CDIN1: variants seen among roughly 807,000 people sequenced by gnomAD.
CDIN1 encodes the protein CDAN1 interacting nuclease 1, also known as CDAN1-interacting nuclease 1.
Under a neutral mutation model 45.3 loss-of-function variants are expected in CDIN1, and 33 were observed. That is an observed-to-expected ratio of 0.73 (90% CI 0.55 to 0.97). The LOEUF (loss-of-function observed/expected upper bound fraction) is 0.97, where lower values mean the gene tolerates loss of function less well. Ranked by LOEUF, CDIN1 falls within the 50% of genes least tolerant of loss-of-function variation. The pLI is 0.00. For missense variants in CDIN1, 303 were observed against 339.4 expected (o/e 0.89, Z 0.84); for synonymous variants, 118 against 124.4 (o/e 0.95, Z 0.34).
intron 1 of CDIN1, among the ~76,000 whole-genome samples, chr15:36,632,499 G>A (rs2039720160): frequency 6.6e-6 from 1 of 152,170 alleles, no homozygotes; most frequent in African/African-American, 2.4e-5. Context: ...ACTTCTGAGG[G>A]CTGCCACCTG....
intron 10 of CDIN1, among the ~76,000 whole-genome samples, chr15:36,785,455 C>CGGGG (rs34424859): frequency 2.0e-5 from 3 of 151,842 alleles, no homozygotes; most frequent in Non-Finnish European, 4.4e-5. Flanking sequence ...CTTACTAACC[C>CGGGG]GGGAGTCGAG....
Position 36,777,981 on chromosome 15 carries a change from C to T in CDIN1, c.717-30343C>T, listed in dbSNP as rs144155281. ...TTAATTCTGCTGGAATTGGTAGCCT[C>T]TGAAATGCTTGGGTGATCCCTTCTG... On this transcript the variant is annotated intron_variant, in intron 10 of 10. Coordinates refer to ENST00000566621, the MANE Select transcript of CDIN1 (RefSeq NM_001321759.2). Among the ~76,000 whole-genome samples the T allele has an allele frequency of 6.7e-3, 1,013 of 152,304 alleles. 10 individuals are homozygous for T. Among genetic ancestry groups the T allele is most frequent in the African/African-American group, 0.021 (869 of 41,568 alleles).
chr15:36,714,070 G>A (rs748859369), intron 10 of CDIN1, among the ~76,000 whole-genome samples: 14 of 152,118 alleles, frequency 9.2e-5, no homozygotes, highest in Non-Finnish European at 1.9e-4. Context: ...AATTTGTCAG[G>A]CATTGTGACA....
chr15:36,755,297 C>T (rs2053580402), intron 10 of CDIN1, among the ~76,000 whole-genome samples: 1 of 152,146 alleles, frequency 6.6e-6, no homozygotes, highest in Non-Finnish European at 1.5e-5. Context: ...ACAACCATCA[C>T]CCGGGCACCC....
intron 8 of CDIN1, among the ~76,000 whole-genome samples, chr15:36,697,648 G>A (rs2042482035): frequency 6.6e-6 from 1 of 152,062 alleles, no homozygotes; most frequent in African/African-American, 2.4e-5. Flanking sequence ...TACTTTTGGT[G>A]TCATGAGATA....
intron 5 of CDIN1, among the ~76,000 whole-genome samples, chr15:36,684,363 A>G (rs1040999431): frequency 4.6e-5 from 7 of 152,266 alleles, no homozygotes; most frequent in African/African-American, 1.7e-4. Flanking sequence ...CTCTGTTTAT[A>G]TGCTGGATTA....
At chr15:36,695,219 T>C (rs1456704541) in intron 7 of CDIN1, among the ~76,000 whole-genome samples, 1 of 152,182 alleles carries the variant, frequency 6.6e-6, no homozygotes, top group Non-Finnish European at 1.5e-5. Flanking sequence ...TTTTTTTTAA[T>C]AAATAACGAA....
At chr15:36,747,181 G>T (rs1302479286) in intron 10 of CDIN1, 2 of 390,080 alleles carry the variant, frequency 5.1e-6, no homozygotes, top group Non-Finnish European at 9.0e-6. Context: ...ACAATAAGTA[G>T]CAATGTTTGG....
intron 10 of CDIN1, among the ~76,000 whole-genome samples, chr15:36,745,859 G>C (rs559501249): frequency 1.3e-5 from 2 of 151,902 alleles, no homozygotes; most frequent in Non-Finnish European, 2.9e-5. Flanking sequence ...CCAGCTACTC[G>C]GGAGGCTAAG....
chr15:36,668,005 G>A (rs2041315189), intron 5 of CDIN1: 1 of 151,968 alleles, frequency 6.6e-6, no homozygotes, highest in Admixed American at 6.5e-5. Flanking sequence ...ATTTTAAAGG[G>A]GATTCCCTAA....
chr15:36,786,776 G>A (rs1415145786), intron 10 of CDIN1, among the ~76,000 whole-genome samples: 3 of 152,000 alleles, frequency 2.0e-5, no homozygotes, highest in Non-Finnish European at 4.4e-5. Context: ...CATCTCTGGG[G>A]TGTAACTGCT....
chr15:36,594,440 G>T (rs2037721740), intron 1 of CDIN1, among the ~76,000 whole-genome samples: 1 of 152,058 alleles, frequency 6.6e-6, no homozygotes, highest in South Asian at 2.1e-4. Flanking sequence ...TATTTCCTCT[G>T]TTAGAGGTGT....
chr15:36,583,123 T>C (rs1303603521), intron 1 of CDIN1, among the ~76,000 whole-genome samples: 2 of 152,216 alleles, frequency 1.3e-5, no homozygotes, highest in Non-Finnish European at 2.9e-5. Context: ...GCTTTTGATA[T>C]GGTTAACTTT....
intron 10 of CDIN1, among the ~76,000 whole-genome samples, chr15:36,794,225 A>AT (rs1436232114): frequency 6.6e-6 from 1 of 151,664 alleles, no homozygotes; most frequent in East Asian, 1.9e-4. Context: ...CGCCTGGCTA[A>AT]TTTTTTTGTA....
intron 10 of CDIN1, among the ~76,000 whole-genome samples, chr15:36,726,798 A>C (rs148470152): frequency 1.3e-5 from 2 of 152,278 alleles, no homozygotes; most frequent in South Asian, 2.1e-4. Context: ...AGTACAGTAT[A>C]AACTGTAGTA....
chr15:36,596,820 A>C (rs192459565), intron 1 of CDIN1, among the ~76,000 whole-genome samples: 347 of 152,302 alleles, frequency 2.3e-3, no homozygotes, highest in African/African-American at 7.1e-3. Flanking sequence ...AAAAAAACCC[A>C]GAATATGCTC....
chr15:36,639,675 T>G (rs762673469), intron 1 of CDIN1, among the ~76,000 whole-genome samples: 4 of 152,194 alleles, frequency 2.6e-5, no homozygotes, highest in Non-Finnish European at 4.4e-5. Context: ...TTATCAGTAA[T>G]CAAGAGATGA....
At chr15:36,677,166 G>A (rs1487151135) in intron 5 of CDIN1, among the ~76,000 whole-genome samples, 1 of 151,924 alleles carries the variant, frequency 6.6e-6, no homozygotes, top group East Asian at 1.9e-4. Flanking sequence ...TAACAAATAA[G>A]CTTTCTGCTT....
intron 10 of CDIN1, among the ~76,000 whole-genome samples, chr15:36,784,889 A>G (rs1157582610): frequency 1.3e-5 from 2 of 152,156 alleles, no homozygotes; most frequent in African/African-American, 4.8e-5. Context: ...CACTTGATCA[A>G]GACAGCTCCC....
Sources: gnomAD v4.1 joint callset for allele counts (sites outside exome capture counted in the v4.1 genomes callset) on GRCh38, gnomAD v4.1.1 for gene constraint, MANE v1.5 for transcripts, NCBI Gene and HGNC (gene_info 2026-07-23, HGNC 2026-07-21) for gene names.